ABCA13: variants seen among roughly 807,000 people sequenced by gnomAD.
The protein encoded by ABCA13 is ATP binding cassette subfamily A member 13.
In ABCA13, 476 loss-of-function variants were observed where a neutral mutation model predicts 478.7. The ratio of observed to expected loss-of-function variants is 0.99; its 90% CI spans 0.92 to 1.07. ABCA13 has a LOEUF of 1.07. Ranked by LOEUF, ABCA13 falls within the 50% of genes least tolerant of loss-of-function variation. ABCA13 has a pLI of 0.00. For missense variants in ABCA13, 6,060 were observed against 5,910.6 expected (o/e 1.03, Z -0.83); for synonymous variants, 2,252 against 2,158.9 (o/e 1.04, Z -1.20).
intron 35 of ABCA13, among the ~76,000 whole-genome samples, chr7:48,385,464 A>G (rs897374128): frequency 3.3e-5 from 5 of 152,166 alleles, no homozygotes; most frequent in African/African-American, 1.2e-4. Context: ...AGCTTCATCC[A>G]TGTCCCTGCA....
chr7:48,275,696 T>C lies in ABCA13; in HGVS notation c.6030T>C (p.Ser2010=). 1.9e-6 allele frequency: 3 copies of C among 1,599,358 alleles called. No individual in the cohort carries two copies. The highest frequency in any genetic ancestry group is 2.6e-6 in the Non-Finnish European group (3 of 1,172,028). ...TGGAAAGGACAGTACAATTGATTTC[T>C]GAAGACTGGAGCCTAGAAAAAAGTA... ...SNLERTVQLI[S]EDWSLEKSTH... The change falls in exon 17 of 62, where the codon TCT becomes TCC. Residue 2010 remains serine (S), a synonymous_variant. Coordinates refer to ENST00000435803, the MANE Select transcript of ABCA13 (RefSeq NM_152701.5).
intron 34 of ABCA13, among the ~76,000 whole-genome samples, chr7:48,375,624 G>C (rs1031467306): frequency 6.6e-6 from 1 of 151,832 alleles, no homozygotes; most frequent in Non-Finnish European, 1.5e-5. Flanking sequence ...TTGGGGGGGG[G>C]TGTTTTTGTA....
chr7:48,381,358 C>CACACAT (rs1400612734), intron 35 of ABCA13, among the ~76,000 whole-genome samples: 1 of 150,498 alleles, frequency 6.6e-6, no homozygotes, highest in African/African-American at 2.4e-5. Context: ...CTCTCTGTCA[C>CACACAT]ACACATACAC....
chr7:48,405,081 G>T (rs1368728059), intron 39 of ABCA13, among the ~76,000 whole-genome samples: 1 of 152,252 alleles, frequency 6.6e-6, no homozygotes, highest in African/African-American at 2.4e-5. Flanking sequence ...GGCACTGAGG[G>T]CTGGTATTCC....
At chr7:48,614,154 C>A (rs1490388723) in intron 58 of ABCA13, among the ~76,000 whole-genome samples, 5 of 150,602 alleles carry the variant, frequency 3.3e-5, no homozygotes, top group Non-Finnish European at 7.4e-5. Flanking sequence ...CCATTCTTTT[C>A]TTTTCTTCCA....
chr7:48,522,574 G>A (rs1335675515), intron 53 of ABCA13, among the ~76,000 whole-genome samples: 1 of 152,128 alleles, frequency 6.6e-6, no homozygotes, highest in Non-Finnish European at 1.5e-5. Flanking sequence ...TACAGGGATC[G>A]TTTGTTAGTC....
chr7:48,337,099 A>G (rs1190332183), intron 28 of ABCA13, among the ~76,000 whole-genome samples: 1 of 152,192 alleles, frequency 6.6e-6, no homozygotes, highest in Non-Finnish European at 1.5e-5. Context: ...CTTCCAAAGG[A>G]TAAGACGGCG....
At chr7:48,209,384 C>T (rs150450412) in intron 3 of ABCA13, among the ~76,000 whole-genome samples, 4 of 152,006 alleles carry the variant, frequency 2.6e-5, no homozygotes, top group African/African-American at 9.6e-5. Context: ...CACTGCAGAA[C>T]GAGTTTGACA....
intron 17 of ABCA13, 143 bp from the exon 18 acceptor site, chr7:48,277,951 C>A: frequency 8.1e-6 from 2 of 248,298 alleles, no homozygotes; most frequent in Non-Finnish European, 1.5e-5. Context: ...ATTATTTTAG[C>A]ATGTCATCTT....
At chr7:48,424,689 G>A (rs1219205578) in intron 41 of ABCA13, among the ~76,000 whole-genome samples, 1 of 152,148 alleles carries the variant, frequency 6.6e-6, no homozygotes, top group Non-Finnish European at 1.5e-5. Context: ...AAATCCCTGG[G>A]TAATGTTCTA....
In ABCA13 at chr7:48,338,469, T is replaced by G; in HGVS notation, c.10204+14T>G. The G allele has an allele frequency of 6.4e-7, 1 of 1,573,402 alleles. No homozygotes were observed. Among genetic ancestry groups the G allele is most frequent in the Non-Finnish European group, 8.6e-7 (1 of 1,157,754 alleles). On this transcript the variant is annotated intron_variant, in intron 29 of 61. Coordinates refer to ENST00000435803, the MANE Select transcript of ABCA13 (RefSeq NM_152701.5). ...TCCAGACATACGGTAAGTGTGCTGA[T>G]GGGCATGGTAGTGTTCTTCTGCCCA...
At chr7:48,454,959 C>A (rs1414195802) in intron 42 of ABCA13, 78 bp from the exon 43 acceptor site, 6 of 1,424,384 alleles carry the variant, frequency 4.2e-6, no homozygotes, top group Non-Finnish European at 5.5e-6. Context: ...CGCAGGGTCA[C>A]CGAGAGGGCA....
intron 20 of ABCA13, among the ~76,000 whole-genome samples, chr7:48,288,662 G>T (rs1420318132): frequency 6.6e-6 from 1 of 152,000 alleles, no homozygotes; most frequent in African/African-American, 2.4e-5. Flanking sequence ...TGGAGAGTTA[G>T]TTTTTAAATA....
In ABCA13 at chr7:48,273,614, T is replaced by C. The variant is rs1382777028; in HGVS notation, c.3948T>C (p.Tyr1316=). Residue 1316 remains tyrosine, a synonymous_variant, in exon 17 of 62, where the codon TAT becomes TAC. Transcript: ENST00000435803. ...TTCTTTCAAATAATCTCACAAATTATGGAGAAAAATTTGAAAATATCATCA... is the reference window on the plus strand; with the variant it reads ...TTCTTTCAAATAATCTCACAAATTACGGAGAAAAATTTGAAAATATCATCA... ...NDFLSNNLTN[Y]GEKFENIITE... is the part of the protein sequence containing the mutation. The C allele has an allele frequency of 1.3e-6, 2 of 1,599,862 alleles. No individual in the cohort carries two copies. Among genetic ancestry groups the C allele is most frequent in the South Asian group, 1.1e-5 (1 of 89,230 alleles).
At chr7:48,437,152 T>C (rs1257493247) in intron 42 of ABCA13, among the ~76,000 whole-genome samples, 2 of 152,024 alleles carry the variant, frequency 1.3e-5, no homozygotes, top group Non-Finnish European at 2.9e-5. Flanking sequence ...GTGCTATTTT[T>C]CCCTTCATTT....
intron 34 of ABCA13, among the ~76,000 whole-genome samples, 185 bp from the exon 35 acceptor site, chr7:48,376,256 G>A (rs1421687763): frequency 6.6e-6 from 1 of 152,156 alleles, no homozygotes; most frequent in African/African-American, 2.4e-5. Context: ...TGATATCATT[G>A]AAATAGGTGT....
chr7:48,613,162 C>T (rs1792193691), intron 58 of ABCA13, among the ~76,000 whole-genome samples: 1 of 151,744 alleles, frequency 6.6e-6, no homozygotes, highest in East Asian at 1.9e-4. Context: ...ATATCAACCT[C>T]TACCCAGTAG....
chr7:48,506,446 G>T, intron 49 of ABCA13, 56 bp downstream of exon 49: 2 of 1,585,140 alleles, frequency 1.3e-6, no homozygotes, highest in Non-Finnish European at 1.7e-6. Flanking sequence ...GAAAATCTTT[G>T]TGTTACTTAG....
chr7:48,224,569 G>C (rs1451423790), intron 5 of ABCA13, among the ~76,000 whole-genome samples: 1 of 152,030 alleles, frequency 6.6e-6, no homozygotes, highest in Non-Finnish European at 1.5e-5. Flanking sequence ...GAGTGAAAAA[G>C]AAAAACATAA....
Sources: gnomAD v4.1 joint callset for allele counts (sites outside exome capture counted in the v4.1 genomes callset) on GRCh38, gnomAD v4.1.1 for gene constraint, MANE v1.5 for transcripts, NCBI Gene and HGNC (gene_info 2026-07-23, HGNC 2026-07-21) for gene names.